SSPN: variants seen among roughly 807,000 people sequenced by gnomAD.
SSPN encodes sarcospan.
SSPN carries 15 observed loss-of-function variants against 19.1 expected under a neutral mutation model. The ratio of observed to expected loss-of-function variants is 0.78; its 90% CI spans 0.52 to 1.21. SSPN has a LOEUF of 1.21. Among genes scored for constraint, SSPN ranks in the 50% most tolerant of loss-of-function variants. SSPN has a pLI of 0.00. For synonymous variants in SSPN, 147 were observed against 140.3 expected, an observed-to-expected ratio of 1.05 and a Z score of -0.34; for missense variants, 291 against 314.0, an observed-to-expected ratio of 0.93 and a Z score of 0.55.
At chr12:26,124,215 T>A in intron 1 of SSPN, 1 of 1,368,912 alleles carries the variant, frequency 7.3e-7, no homozygotes, top group Non-Finnish European at 1.0e-6. Flanking sequence ...GAGAAAACAG[T>A]AAGCGAAACA....
At chr12:26,140,333 CTCT>C (rs967566411) in intron 1 of SSPN, among the ~76,000 whole-genome samples, 2 of 152,094 alleles carry the variant, frequency 1.3e-5, no homozygotes, top group African/African-American at 4.8e-5. Flanking sequence ...ATCCTTTGTC[CTCT>C]TCTTTTATTA....
intron 1 of SSPN, among the ~76,000 whole-genome samples, chr12:26,200,106 T>C (rs1944864739): frequency 6.6e-6 from 1 of 152,230 alleles, no homozygotes. Context: ...CCATGGAAAG[T>C]GAGAATTTCT....
upstream of SSPN, chr12:26,195,385 C>G (rs1438849825): frequency 8.3e-6 from 3 of 361,500 alleles, no homozygotes; most frequent in East Asian, 4.6e-5. Flanking sequence ...GAGGTTCAGG[C>G]GGCCAAGGGA....
At chr12:26,224,261 T>C (rs753856607) in intron 1 of SSPN, 32 bp from the exon 2 acceptor site, 6 of 1,525,042 alleles carry the variant, frequency 3.9e-6, no homozygotes, top group Non-Finnish European at 5.5e-6. Context: ...CGTACCCTGA[T>C]AACATCCTTT....
At position 26,174,502 on chromosome 12, in the gene SSPN, TC is replaced by T. The variant is rs11346601; in HGVS notation, c.-30-49788del. Reference sequence around the variant, plus strand: ...TTCCTTCCTTCCTTCCTTCCTTCCTTCCCTTCCTTCCTTCCTTCCTTCCTTC... The same window carrying T: ...TTCCTTCCTTCCTTCCTTCCTTCCTTCCTTCCTTCCTTCCTTCCTTCCTTC... On this transcript the variant is annotated intron_variant, in intron 1 of 2. Transcript: ENST00000538142. 5.4e-3 allele frequency among the ~76,000 whole-genome samples: 194 copies of T among 36,080 alleles called. 2 individuals are homozygous for T. Among genetic ancestry groups the T allele is most frequent in the African/African-American group, 0.025 (79 of 3,108 alleles). 23.7% of individuals were successfully genotyped at this position (36,080 alleles called of 152,430 possible).
chr12:26,204,529 G>A (rs2137469824), intron 1 of SSPN, among the ~76,000 whole-genome samples: 1 of 46,058 alleles, frequency 2.2e-5, no homozygotes, highest in African/African-American at 6.5e-5. Context: ...ATGCAAAGGT[G>A]GCTGGCTGAG....
intron 1 of SSPN, among the ~76,000 whole-genome samples, chr12:26,186,778 TCAA>T (rs1308476306): frequency 6.6e-6 from 1 of 152,216 alleles, no homozygotes; most frequent in African/African-American, 2.4e-5. Context: ...TATTAACCAT[TCAA>T]CAAGTATGGA....
At chr12:26,122,399 C>A in intron 1 of SSPN, 1 of 1,283,606 alleles carries the variant, frequency 7.8e-7, no homozygotes. Flanking sequence ...GATACTTCTC[C>A]AGGCCGCTCT....
At chr12:26,144,898 T>C (rs941695523) in intron 1 of SSPN, among the ~76,000 whole-genome samples, 2 of 152,238 alleles carry the variant, frequency 1.3e-5, no homozygotes, top group African/African-American at 4.8e-5. Flanking sequence ...GTCACTTTCC[T>C]CCGCCAATGC....
chr12:26,227,516 T>C lies in SSPN; in HGVS notation c.366+3137T>C, dbSNP rs1945190165. 3.9e-5 allele frequency among the ~76,000 whole-genome samples: 6 copies of C among 152,208 alleles called. No individual in the cohort carries two copies. The South Asian group carries it at 1.0e-3, about 26-fold the overall frequency. On this transcript the variant is annotated intron_variant, in intron 2 of 2. Transcript: ENST00000242729. ...AGCAACCACTGTGTTTGTGTAAATG[T>C]TTACATCCTTCCTACAAGCCAAGAA... is the stretch of plus-strand genomic sequence containing the variant.
chr12:26,196,275 A>G (rs1394964223), intron 1 of SSPN, among the ~76,000 whole-genome samples: 1 of 152,228 alleles, frequency 6.6e-6, no homozygotes, highest in Non-Finnish European at 1.5e-5. Flanking sequence ...CAGCGGATTC[A>G]TTCGGGCTTT....
intron 1 of SSPN, among the ~76,000 whole-genome samples, chr12:26,131,800 C>T (rs78841587): frequency 0.039 from 5,927 of 152,290 alleles, 151 homozygotes; most frequent in South Asian, 0.069. Context: ...TAGAACTAGG[C>T]ACCATCAACT....
At chr12:26,125,995 T>C (rs1944361163) in intron 1 of SSPN, 1 of 148,600 alleles carries the variant, frequency 6.7e-6, no homozygotes, top group South Asian at 2.1e-4. Context: ...TTACTACCGC[T>C]GGCACCTCCA....
chr12:26,123,872 C>A, intron 1 of SSPN: 1 of 788,810 alleles, frequency 1.3e-6, no homozygotes, highest in Non-Finnish European at 2.2e-6. Flanking sequence ...ACTTCTTGAG[C>A]TTTCCACAAG....
At chr12:26,197,867 T>C (rs1399750464) in intron 1 of SSPN, among the ~76,000 whole-genome samples, 10 of 152,178 alleles carry the variant, frequency 6.6e-5, no homozygotes, top group Non-Finnish European at 1.5e-4. Flanking sequence ...TGAGAATCTA[T>C]GTAGAGGAGA....
At position 26,231,495 on chromosome 12, in the gene SSPN, C is replaced by T. The variant is rs1211853575; in HGVS notation, c.*419C>T. ...TGTGGCATCTTCCTCTAGTCCTTCC[C>T]ACCTCCAGTCATCAGCCCCACTCTG... On this transcript the variant is annotated 3_prime_UTR_variant, in exon 3 of 3. Transcript: ENST00000242729. The T allele has an allele frequency of 5.9e-6, 1 of 168,712 alleles. No individual in the cohort carries two copies. The highest frequency in any genetic ancestry group is 1.3e-5 in the Non-Finnish European group (1 of 79,270). 10.5% of individuals were successfully genotyped at this position (168,712 alleles called of 1,614,324 possible). A position where few individuals can be genotyped will look rare whatever the true frequency, so the allele number is the denominator to read the frequency against.
chr12:26,129,049 C>T (rs895082747), intron 1 of SSPN, among the ~76,000 whole-genome samples: 1 of 152,128 alleles, frequency 6.6e-6, no homozygotes, highest in African/African-American at 2.4e-5. Context: ...GGTTTTCTGC[C>T]TCTTTAGGGT....
intron 1 of SSPN, among the ~76,000 whole-genome samples, chr12:26,123,333 G>A (rs139492842): frequency 2.0e-3 from 305 of 152,270 alleles, no homozygotes; most frequent in Non-Finnish European, 3.5e-3. Context: ...CGAGAGAAGC[G>A]GGGTGGCGGA....
At chr12:26,190,386 C>T (rs1166138630), upstream of SSPN, among the ~76,000 whole-genome samples, 1 of 152,228 alleles carries the variant, frequency 6.6e-6, no homozygotes, top group African/African-American at 2.4e-5. Context: ...AAGGAAACAA[C>T]ACGCTTTCAA....
Sources: allele counts gnomAD v4.1 joint callset (sites outside exome capture counted in the v4.1 genomes callset), GRCh38; gene constraint gnomAD v4.1.1; transcripts MANE v1.5; gene names NCBI Gene and HGNC (gene_info 2026-07-23, HGNC 2026-07-21).